The following HERC4 variants were observed in gnomAD, a reference collection of about 807,000 sequenced individuals.
HERC4 encodes HECT and RLD domain containing E3 ubiquitin protein ligase 4.
A neutral mutation model predicts 124.3 loss-of-function variants in HERC4; 28 were observed. That is an observed-to-expected ratio of 0.23 (90% confidence interval 0.17 to 0.31). HERC4 has a LOEUF of 0.31. HERC4 is among the 10% of genes least tolerant of loss of function. The pLI is 1.00. For synonymous variants in HERC4, 407 were observed against 421.5 expected (o/e 0.97, Z 0.42); for missense variants, 713 against 1,229.3 (o/e 0.58, Z 6.28).
At chr10:67,938,070 G>T (rs910697472) in intron 21 of HERC4, among the ~76,000 whole-genome samples, 3 of 151,938 alleles carry the variant, frequency 2.0e-5, no homozygotes, top group African/African-American at 4.8e-5. Context: ...GGCATCTTTT[G>T]TCAGCTTTGA....
intron 3 of HERC4, chr10:68,069,454 A>C: frequency 1.0e-6 from 1 of 985,130 alleles, no homozygotes; most frequent in Non-Finnish European, 1.2e-6. Context: ...CATAATCTGC[A>C]CCTTTAGTAT....
chr10:67,939,118 T>G (rs1403149206), intron 21 of HERC4, among the ~76,000 whole-genome samples: 1 of 152,230 alleles, frequency 6.6e-6, no homozygotes, highest in Non-Finnish European at 1.5e-5. Flanking sequence ...TGAATGTTAG[T>G]ATGAAATAGA....
chr10:67,993,780 T>C (rs1387248670), intron 9 of HERC4: 2 of 152,204 alleles, frequency 1.3e-5, no homozygotes, highest in Non-Finnish European at 2.9e-5. Context: ...CTCTTTTTTT[T>C]CTTTTCTTCT....
chr10:67,986,179 T>G (rs993237069), intron 15 of HERC4, among the ~76,000 whole-genome samples: 2 of 152,210 alleles, frequency 1.3e-5, no homozygotes, highest in African/African-American at 4.8e-5. Flanking sequence ...AAAAGAGATG[T>G]TTAAGAAAGT....
intron 4 of HERC4, among the ~76,000 whole-genome samples, chr10:68,043,391 G>A (rs1345244018): frequency 6.6e-6 from 1 of 152,152 alleles, no homozygotes; most frequent in Admixed American, 6.6e-5. Context: ...AGAGTTTAAA[G>A]AGGTCAGAAT....
At chr10:67,953,959 AC>A (rs1222282885) in intron 19 of HERC4, among the ~76,000 whole-genome samples, 3 of 152,326 alleles carry the variant, frequency 2.0e-5, no homozygotes, top group Non-Finnish European at 4.4e-5. Context: ...GGTTTTTACA[AC>A]CAATAGCTAT....
At chr10:68,005,131 T>C (rs2037462559) in intron 9 of HERC4, among the ~76,000 whole-genome samples, 1 of 152,216 alleles carries the variant, frequency 6.6e-6, no homozygotes, top group Non-Finnish European at 1.5e-5. Flanking sequence ...TCCATGTGTC[T>C]GTTTTTATGC....
chr10:68,039,733 G>A (rs1194513952), intron 4 of HERC4: 3 of 1,293,396 alleles, frequency 2.3e-6, no homozygotes, highest in Non-Finnish European at 2.0e-6. Context: ...ACAGAGTAAG[G>A]AATAAAAAAT....
At position 67,922,971 on chromosome 10, in the gene HERC4, A is replaced by T. The variant is rs149844890; in HGVS notation, c.3110T>A (p.Ile1037Asn). 5.4e-4 allele frequency: 876 copies of T among 1,613,522 alleles called. No individual in the cohort carries two copies. The highest frequency in any genetic ancestry group is 6.6e-4 in the Non-Finnish European group (780 of 1,179,568). Residue 1037 changes from isoleucine to asparagine, a missense_variant, in exon 25 of 25, where the codon ATC becomes AAC. By Grantham distance (149) the Ile-to-Asn change is moderately radical. Coordinates refer to ENST00000373700, the MANE Select transcript of HERC4 (RefSeq NM_015601.4). The part of the protein sequence containing the change: ...TEKETLRSKL[I>N]QAIDHNEGFS... ...GCCTTCATTGTGATCAATAGCTTGG[A>T]TCAGTTTAGAGCGTAGAGTTTCTTT...
chr10:67,965,595 T>C (rs898828498), intron 16 of HERC4: 2 of 152,204 alleles, frequency 1.3e-5, no homozygotes, highest in African/African-American at 4.8e-5. Flanking sequence ...GGGAGTATCC[T>C]AAAAACAGCG....
intron 9 of HERC4, among the ~76,000 whole-genome samples, chr10:67,997,059 A>C (rs2132866275): frequency 1.3e-5 from 2 of 152,294 alleles, no homozygotes; most frequent in East Asian, 3.9e-4. Context: ...ACTGAACTCA[A>C]GCAAAATGTC....
intron 19 of HERC4, among the ~76,000 whole-genome samples, chr10:67,946,390 CACACACAA>C (rs1411124581): frequency 4.2e-5 from 6 of 142,598 alleles, no homozygotes; most frequent in Non-Finnish European, 6.2e-5. Flanking sequence ...CACACACACA[CACACACAA>C]GACCCAATGA....
intron 4 of HERC4, among the ~76,000 whole-genome samples, chr10:68,043,256 T>G (rs1451123472): frequency 6.6e-6 from 1 of 152,166 alleles, no homozygotes; most frequent in Non-Finnish European, 1.5e-5. Context: ...GAATCATGGT[T>G]TTGAGAATAC....
At chr10:67,932,509 T>C (rs1211727449) in intron 23 of HERC4, 88 bp downstream of exon 23, 4 of 1,128,238 alleles carry the variant, frequency 3.5e-6, no homozygotes, top group Non-Finnish European at 2.5e-6. Flanking sequence ...TAATAAAGTG[T>C]ATAAAATAAA....
In HERC4 at chr10:68,044,659, A is replaced by G; in HGVS notation, c.227-96T>C. The G allele has an allele frequency of 6.5e-6, 7 of 1,076,002 alleles. No homozygotes were observed. The South Asian group carries it at 1.1e-4, about 16-fold the overall frequency. 66.7% of individuals were successfully genotyped at this position (1,076,002 alleles called of 1,614,324 possible). On this transcript the variant is annotated intron_variant, in intron 3 of 24. Coordinates refer to ENST00000373700, the MANE Select transcript of HERC4 (RefSeq NM_015601.4). ...TTTGAACTTCCAATAAGAACAAAAC[A>G]CATTCTTCATTTTATACAAACAAGC...
intron 22 of HERC4, among the ~76,000 whole-genome samples, chr10:67,934,122 C>T (rs2032107583): frequency 6.6e-6 from 1 of 152,122 alleles, no homozygotes; most frequent in African/African-American, 2.4e-5. Context: ...ATTGTTATTC[C>T]TTAAATTTCA....
At chr10:68,046,562 C>T (rs531807008) in intron 3 of HERC4, among the ~76,000 whole-genome samples, 106 of 152,250 alleles carry the variant, frequency 7.0e-4, no homozygotes, top group Non-Finnish European at 1.4e-3. Flanking sequence ...AGCGTCCTAG[C>T]CCTCAATGAG....
At chr10:68,035,358 A>G (rs573000592) in intron 5 of HERC4, among the ~76,000 whole-genome samples, 3 of 152,188 alleles carry the variant, frequency 2.0e-5, no homozygotes, top group Admixed American at 6.5e-5. Flanking sequence ...GGGTTTCACC[A>G]TGGTGGCGAG....
At chr10:67,985,570 A>G (rs1159942495) in intron 15 of HERC4, among the ~76,000 whole-genome samples, 2 of 152,188 alleles carry the variant, frequency 1.3e-5, no homozygotes, top group Non-Finnish European at 2.9e-5. Flanking sequence ...TAGTTTGAAA[A>G]TCACTGATTT....
Sources: allele counts gnomAD v4.1 joint callset (sites outside exome capture counted in the v4.1 genomes callset), GRCh38; gene constraint gnomAD v4.1.1; transcripts MANE v1.5; gene names NCBI Gene and HGNC (gene_info 2026-07-23, HGNC 2026-07-21).